Variants in ADAMTS2 observed in about 807,000 individuals in gnomAD.
ADAMTS2 encodes ADAM metallopeptidase with thrombospondin type 1 motif 2.
Under a neutral mutation model 123.0 loss-of-function variants are expected in ADAMTS2, and 50 were observed. That is an observed-to-expected ratio of 0.41 (90% CI 0.32 to 0.51). The LOEUF is 0.51. ADAMTS2 is among the 20% of genes least tolerant of loss of function. The pLI, the probability that ADAMTS2 is intolerant of heterozygous loss-of-function variation, is 0.35. For synonymous variants in ADAMTS2, 678 were observed against 695.4 expected, an observed-to-expected ratio of 0.98 and a Z score of 0.39; for missense variants, 1,494 against 1,705.2, an observed-to-expected ratio of 0.88 and a Z score of 2.18.
In ADAMTS2 at chr5:179,148,583, A is replaced by C. The variant is rs924856630; in HGVS notation, c.1629+3559T>G. ...AGTGCGCCCTGGAATTCCTGCCACC[A>C]GGTCTCTGTGTCTGAGGTCATTGCT... On this transcript the variant is annotated intron_variant, in intron 10 of 21. Coordinates refer to ENST00000251582, the MANE Select transcript of ADAMTS2 (RefSeq NM_014244.5). Among the ~76,000 whole-genome samples, 3 of 152,048 alleles carry C rather than the reference A, an allele frequency of 2.0e-5. No homozygotes were observed. The East Asian group carries it at 5.8e-4, about 29-fold the overall frequency.
chr5:179,226,461 G>C (rs1394071449), intron 3 of ADAMTS2, among the ~76,000 whole-genome samples: 1 of 148,808 alleles, frequency 6.7e-6, no homozygotes, highest in Non-Finnish European at 1.5e-5. Context: ...ATTTTTAGTA[G>C]AGACAGGATT....
intron 17 of ADAMTS2, among the ~76,000 whole-genome samples, chr5:179,127,626 C>G (rs1031499943): frequency 2.0e-5 from 3 of 152,066 alleles, no homozygotes; most frequent in African/African-American, 7.2e-5. Flanking sequence ...CTTGCCTATG[C>G]GATCCTGCCA....
intron 3 of ADAMTS2, among the ~76,000 whole-genome samples, chr5:179,223,090 T>C (rs1460695015): frequency 6.6e-6 from 1 of 152,248 alleles, no homozygotes; most frequent in Non-Finnish European, 1.5e-5. Context: ...CATTCATTTG[T>C]TCATTGTTCA....
At position 179,113,729 on chromosome 5, in the gene ADAMTS2, T is replaced by C. The variant is rs891123947; in HGVS notation, c.*138A>G. On this transcript the variant is annotated 3_prime_UTR_variant, in exon 22 of 22. Coordinates refer to ENST00000251582, the MANE Select transcript of ADAMTS2 (RefSeq NM_014244.5). ...CATGCTCATGCCTATCTTTCTTACGTCATTCCCCCTCTTTGTTTTCTCAAA... is the reference window on the plus strand; with the variant it reads ...CATGCTCATGCCTATCTTTCTTACGCCATTCCCCCTCTTTGTTTTCTCAAA... The C allele has an allele frequency of 1.1e-6, 1 of 881,428 alleles. No individual in the cohort carries two copies. The allele number at this position is 881,428 out of a possible 1,614,324, so 54.6% of individuals were successfully genotyped here.
chr5:179,325,908 G>A (rs1362052364), intron 2 of ADAMTS2, among the ~76,000 whole-genome samples: 1 of 152,250 alleles, frequency 6.6e-6, no homozygotes, highest in Non-Finnish European at 1.5e-5. Context: ...GGGAGGACAG[G>A]AGCGAGGCCA....
rs115777327 is a variant in ADAMTS2, at chr5:179,309,628, C to G, written c.534+34139G>C. ...AAAAAAATAGCCACGCATGGTGGCA[C>G]GCACCGGTAACCCCAGCTACTCAGG... is the stretch of plus-strand genomic sequence containing the variant. On this transcript the variant is annotated intron_variant, in intron 2 of 21. Transcript: ENST00000251582. Among the ~76,000 whole-genome samples, 270 of 152,078 alleles carry G rather than the reference C, an allele frequency of 1.8e-3. 1 individual carries two copies. The highest frequency in any genetic ancestry group is 2.6e-3 in the Non-Finnish European group (176 of 67,972).
chr5:179,328,225 G>C (rs1233075014), intron 2 of ADAMTS2, among the ~76,000 whole-genome samples: 1 of 152,174 alleles, frequency 6.6e-6, no homozygotes, highest in Non-Finnish European at 1.5e-5. Flanking sequence ...GTAGAGACGG[G>C]GTTTCACCGT....
chr5:179,130,418 C>T lies in ADAMTS2; in HGVS notation c.2291-320G>A, dbSNP rs1049689971. On this transcript the variant is annotated intron_variant, in intron 15 of 21. Coordinates refer to ENST00000251582, the MANE Select transcript of ADAMTS2 (RefSeq NM_014244.5). The surrounding 1 kb of genome is among the most constrained non-coding windows in gnomAD (Gnocchi z 4.3). ...TACCCTATTGGGAGCACTCAGTGGG[C>T]GCTTAGAGGCCACCCGGGGCAGGAT... Among the ~76,000 whole-genome samples, 12 of 152,332 alleles carry T rather than the reference C, an allele frequency of 7.9e-5. No individual in the cohort carries two copies. The highest frequency in any genetic ancestry group is 1.3e-4 in the Non-Finnish European group (9 of 68,022).
rs1321855784 is a variant in ADAMTS2, at chr5:179,181,522, C to T, written c.892-367G>A. On this transcript the variant is annotated intron_variant, in intron 4 of 21. Transcript: ENST00000251582. This position sits in a 1 kb window ranked among gnomAD's most constrained non-coding sequence, Gnocchi z 4.1. The stretch of plus-strand genomic sequence containing the variant: ...AGTGAACGTGGGTGATGGACCCCCG[C>T]GGCACAGGCAGGGCTGGGACCGGCC... 2.0e-5 allele frequency among the ~76,000 whole-genome samples: 3 copies of T among 152,128 alleles called. No homozygotes were observed. The highest frequency in any genetic ancestry group is 4.2e-4 in the South Asian group (2 of 4,818).
intron 4 of ADAMTS2, among the ~76,000 whole-genome samples, chr5:179,186,680 A>C (rs765467459): frequency 9.2e-5 from 14 of 152,228 alleles, no homozygotes; most frequent in Non-Finnish European, 2.1e-4. Context: ...TGCAGAGCAG[A>C]GAGTCGACTG....
chr5:179,227,642 C>G (rs139407514), intron 3 of ADAMTS2, among the ~76,000 whole-genome samples: 69 of 152,196 alleles, frequency 4.5e-4, no homozygotes, highest in Non-Finnish European at 6.6e-4. Flanking sequence ...GGCCCAGACA[C>G]AGAGAGGGAA....
intron 2 of ADAMTS2, among the ~76,000 whole-genome samples, chr5:179,274,716 TG>T (rs1766648482): frequency 6.6e-6 from 1 of 152,224 alleles, no homozygotes; most frequent in Admixed American, 6.5e-5. Flanking sequence ...CCCCAGGGCC[TG>T]CTGGGCGGCT....
At chr5:179,292,969 T>C (rs1561697334) in intron 2 of ADAMTS2, among the ~76,000 whole-genome samples, 1 of 152,128 alleles carries the variant, frequency 6.6e-6, no homozygotes, top group Non-Finnish European at 1.5e-5. Context: ...TTCCTAGAGG[T>C]TGTCAGGAGC....
chr5:179,223,663 C>T (rs1765199993), intron 3 of ADAMTS2, among the ~76,000 whole-genome samples: 1 of 145,558 alleles, frequency 6.9e-6, no homozygotes, highest in Admixed American at 6.8e-5. Flanking sequence ...CACAGACGCA[C>T]ACTCACACAT....
At chr5:179,276,814 G>T (rs552246709) in intron 2 of ADAMTS2, among the ~76,000 whole-genome samples, 201 of 152,298 alleles carry the variant, frequency 1.3e-3, no homozygotes, top group African/African-American at 4.5e-3. Flanking sequence ...CATCTTCTGG[G>T]GGAACTTGCA....
At chr5:179,284,706 C>T (rs559530899) in intron 2 of ADAMTS2, among the ~76,000 whole-genome samples, 1 of 152,300 alleles carries the variant, frequency 6.6e-6, no homozygotes, top group South Asian at 2.1e-4. Flanking sequence ...ATTTCAATAA[C>T]ACTCTATGCC....
intron 2 of ADAMTS2, among the ~76,000 whole-genome samples, chr5:179,321,763 C>G (rs1757187188): frequency 6.6e-6 from 1 of 152,036 alleles, no homozygotes; most frequent in Admixed American, 6.5e-5. Context: ...AGAGACAGCC[C>G]CAGTGACAAA....
intron 3 of ADAMTS2, among the ~76,000 whole-genome samples, chr5:179,223,492 ACTCACATG>A (rs1314523111): frequency 6.1e-5 from 9 of 146,588 alleles, no homozygotes; most frequent in African/African-American, 2.3e-4. Context: ...ATGGACTCAC[ACTCACATG>A]CACACTCATA....
At chr5:179,253,165 T>A (rs1765965903) in intron 3 of ADAMTS2, among the ~76,000 whole-genome samples, 4 of 152,192 alleles carry the variant, frequency 2.6e-5, no homozygotes, top group Admixed American at 2.6e-4. Flanking sequence ...CAGCCAGATT[T>A]TGAATTTGGG....
Sources: allele counts gnomAD v4.1 joint callset (sites outside exome capture counted in the v4.1 genomes callset), GRCh38; gene constraint gnomAD v4.1.1; non-coding constraint Gnocchi (gnomAD v3.1); transcripts MANE v1.5; gene names NCBI Gene and HGNC (gene_info 2026-07-23, HGNC 2026-07-21).